Variants in FRMD4B observed in about 807,000 individuals in gnomAD.
The protein encoded by FRMD4B is FERM domain-containing protein 4B.
FRMD4B carries 74 observed loss-of-function variants against 141.5 expected under a neutral mutation model. The observed-to-expected ratio is 0.52, with a 90% confidence interval of 0.43 to 0.63. FRMD4B has a LOEUF of 0.63. Ranked by LOEUF, FRMD4B falls within the 30% of genes least tolerant of loss-of-function variation. The pLI is 0.00. For synonymous variants in FRMD4B, 506 were observed against 467.9 expected (o/e 1.08, Z -1.05); for missense variants, 1,366 against 1,253.4 (o/e 1.09, Z -1.36).
upstream of FRMD4B, among the ~76,000 whole-genome samples, chr3:69,388,247 C>T (rs1040055679): frequency 1.2e-4 from 19 of 152,230 alleles, no homozygotes; most frequent in African/African-American, 4.1e-4. Flanking sequence ...GCTATCTGTG[C>T]GTAGGTCTAA....
chr3:69,463,668 G>A, intron 1 of FRMD4B, among the ~76,000 whole-genome samples: 1 of 152,198 alleles, frequency 6.6e-6, no homozygotes, highest in East Asian at 1.9e-4. Context: ...GAGCCAGACT[G>A]CATCTGCCTC....
intron 2 of FRMD4B, among the ~76,000 whole-genome samples, chr3:69,412,758 T>C (rs1575793100): frequency 1.3e-5 from 2 of 151,736 alleles, no homozygotes; most frequent in East Asian, 3.9e-4. Flanking sequence ...TAATTCGTCA[T>C]GTTGAGTGCT....
chr3:69,249,272 A>G, intron 6 of FRMD4B, 24 bp from the exon 7 acceptor site: 1 of 1,530,328 alleles, frequency 6.5e-7, no homozygotes, highest in East Asian at 2.3e-5. Flanking sequence ...ACAAAAACAG[A>G]GTTGATCAAT....
upstream of FRMD4B, among the ~76,000 whole-genome samples, chr3:69,387,901 G>A (rs949889269): frequency 6.6e-6 from 1 of 151,858 alleles, no homozygotes; most frequent in Non-Finnish European, 1.5e-5. Context: ...TCTTCTCTAT[G>A]TGCCATCAGT....
At chr3:69,400,969 A>G (rs1704553458) in intron 2 of FRMD4B, among the ~76,000 whole-genome samples, 1 of 152,230 alleles carries the variant, frequency 6.6e-6, no homozygotes. Flanking sequence ...CTACAGGAGT[A>G]CAGAGAATGT....
At chr3:69,413,157 G>T (rs1432876231) in intron 2 of FRMD4B, among the ~76,000 whole-genome samples, 1 of 152,096 alleles carries the variant, frequency 6.6e-6, no homozygotes. Context: ...GATTAAAGAT[G>T]CTCAACTAGA....
At chr3:69,213,402 A>T (rs960763651) in intron 11 of FRMD4B, among the ~76,000 whole-genome samples, 1 of 151,832 alleles carries the variant, frequency 6.6e-6, no homozygotes, top group Non-Finnish European at 1.5e-5. Context: ...AATAAATAAA[A>T]TTGATTTTAA....
At position 69,212,122 on chromosome 3, in the gene FRMD4B, G is replaced by A. The variant is rs532971442; in HGVS notation, c.876+4141C>T. 3.3e-5 allele frequency among the ~76,000 whole-genome samples: 5 copies of A among 151,792 alleles called. No individual in the cohort carries two copies. In the South Asian group the frequency reaches 1.0e-3, roughly 31 times the overall value. On this transcript the variant is annotated intron_variant, in intron 11 of 22. Coordinates refer to ENST00000398540, the MANE Select transcript of FRMD4B (RefSeq NM_015123.3). Reference sequence around the variant, plus strand: ...GCCTGTATTCCCAGCACTTTGGGAGGCCCGAGGCAGGTGGATTGCCTGAGG... The same window carrying A: ...GCCTGTATTCCCAGCACTTTGGGAGACCCGAGGCAGGTGGATTGCCTGAGG...
intron 1 of FRMD4B, among the ~76,000 whole-genome samples, chr3:69,343,570 G>GTTTTT (rs764348717): frequency 3.6e-5 from 3 of 84,204 alleles, no homozygotes; most frequent in African/African-American, 8.8e-5. Flanking sequence ...TGTCTTAACA[G>GTTTTT]TTTTTTGTTT....
At chr3:69,255,522 G>A (rs891939039) in intron 5 of FRMD4B, among the ~76,000 whole-genome samples, 1 of 152,020 alleles carries the variant, frequency 6.6e-6, no homozygotes, top group Non-Finnish European at 1.5e-5. Flanking sequence ...TCCAGCTTGG[G>A]TGACAAAGCA....
chr3:69,247,685 T>G (rs2093434126), intron 7 of FRMD4B, among the ~76,000 whole-genome samples: 1 of 151,750 alleles, frequency 6.6e-6, no homozygotes, highest in Non-Finnish European at 1.5e-5. Context: ...GTCTCGCTCT[T>G]TTGCCCAGGC....
chr3:69,443,716 C>T (rs1376926922), intron 1 of FRMD4B, among the ~76,000 whole-genome samples: 3 of 152,220 alleles, frequency 2.0e-5, no homozygotes, highest in South Asian at 2.1e-4. Flanking sequence ...TGGGTGTAGG[C>T]CAAGCTAACT....
chr3:69,387,812 T>C (rs2106711412), upstream of FRMD4B, among the ~76,000 whole-genome samples: 1 of 152,342 alleles, frequency 6.6e-6, no homozygotes, highest in Non-Finnish European at 1.5e-5. Flanking sequence ...GTTAATAAAA[T>C]TGCCCAAGAG....
At chr3:69,490,282 G>T (rs1345013576) in intron 1 of FRMD4B, among the ~76,000 whole-genome samples, 1 of 152,190 alleles carries the variant, frequency 6.6e-6, no homozygotes, top group Non-Finnish European at 1.5e-5. Flanking sequence ...TCTATCATGT[G>T]CTACATGAAG....
intron 7 of FRMD4B, 22 bp downstream of exon 7, chr3:69,249,204 T>C: frequency 6.7e-7 from 1 of 1,484,980 alleles, no homozygotes; most frequent in Non-Finnish European, 9.3e-7. Context: ...TGCATAGTAA[T>C]ATCAGAAAAG....
chr3:69,387,308 G>T (rs985666624), upstream of FRMD4B, among the ~76,000 whole-genome samples: 4 of 151,954 alleles, frequency 2.6e-5, no homozygotes, highest in African/African-American at 9.7e-5. Context: ...GTAGAGATGG[G>T]GTCTCACTAT....
At chr3:69,260,657 C>T (rs1010710739) in intron 5 of FRMD4B, among the ~76,000 whole-genome samples, 3 of 152,240 alleles carry the variant, frequency 2.0e-5, no homozygotes, top group South Asian at 2.1e-4. Flanking sequence ...GCGGGACTGG[C>T]GGGAAACTCT....
rs181698824 is a variant in FRMD4B, at chr3:69,282,623, T to A, written c.501+5129A>T. On this transcript the variant is annotated intron_variant, in intron 5 of 22. Transcript: ENST00000398540. ...TCCTGGAACATCTCTTAGAATTTGT[T>A]ACCAGCCATCTACATTTTATATACG... 5.5e-4 allele frequency among the ~76,000 whole-genome samples: 83 copies of A among 152,290 alleles called. No homozygotes were observed. The South Asian group carries it at 7.7e-3, about 14-fold the overall frequency.
At chr3:69,388,804 T>G (rs1704322551), upstream of FRMD4B, among the ~76,000 whole-genome samples, 1 of 152,158 alleles carries the variant, frequency 6.6e-6, no homozygotes, top group African/African-American at 2.4e-5. Flanking sequence ...TTGCTTCAGT[T>G]TTTTGTAGTC....
Sources: gnomAD v4.1 joint callset for allele counts (sites outside exome capture counted in the v4.1 genomes callset) on GRCh38, gnomAD v4.1.1 for gene constraint, MANE v1.5 for transcripts, NCBI Gene and HGNC (gene_info 2026-07-23, HGNC 2026-07-21) for gene names.